SDCCAG8: variants seen among roughly 807,000 people sequenced by gnomAD.
SDCCAG8 encodes SHH signaling and ciliogenesis regulator SDCCAG8, also known as serologically defined colon cancer antigen 8.
In SDCCAG8, 74 loss-of-function variants were observed where a neutral mutation model predicts 101.8. The observed-to-expected ratio is 0.73, with a 90% CI of 0.60 to 0.88. The LOEUF (loss-of-function observed/expected upper bound fraction) is 0.88, where lower values mean the gene tolerates loss of function less well. Among genes scored for constraint, SDCCAG8 ranks in the 40% least tolerant of loss-of-function variants. The pLI is 0.00. For missense variants in SDCCAG8, 787 were observed against 822.6 expected (o/e 0.96, Z 0.53); for synonymous variants, 281 against 292.9 (o/e 0.96, Z 0.41).
intron 3 of SDCCAG8, among the ~76,000 whole-genome samples, chr1:243,273,589 T>C (rs1361296093): frequency 6.6e-6 from 1 of 152,166 alleles, no homozygotes; most frequent in African/African-American, 2.4e-5. Context: ...TTGCCTTCAA[T>C]ACTAGAGCCA....
At chr1:243,403,793 C>T (rs899035497) in intron 13 of SDCCAG8, among the ~76,000 whole-genome samples, 2 of 152,166 alleles carry the variant, frequency 1.3e-5, no homozygotes, top group Admixed American at 6.5e-5. Context: ...AAAGCAGGCT[C>T]AAGGCTCCCA....
At chr1:243,327,300 AT>A (rs1300832409) in intron 9 of SDCCAG8, among the ~76,000 whole-genome samples, 31 of 132,076 alleles carry the variant, frequency 2.3e-4, no homozygotes, top group South Asian at 7.4e-4. Context: ...TAAAATTATA[AT>A]TTATAATTTT....
intron 17 of SDCCAG8, 146 bp from the exon 18 acceptor site, chr1:243,499,610 T>C (rs1156394957): frequency 1.4e-6 from 1 of 718,070 alleles, no homozygotes; most frequent in African/African-American, 1.8e-5. Context: ...GCACAAACTT[T>C]TCATATAATT....
At chr1:243,309,137 G>A (rs2072461925) in intron 8 of SDCCAG8, among the ~76,000 whole-genome samples, 1 of 152,192 alleles carries the variant, frequency 6.6e-6, no homozygotes, top group African/African-American at 2.4e-5. Context: ...TGCTTCTTCA[G>A]ATTTAAGACC....
chr1:243,415,020 T>C (rs2080470753), intron 13 of SDCCAG8, among the ~76,000 whole-genome samples: 1 of 152,182 alleles, frequency 6.6e-6, no homozygotes, highest in Non-Finnish European at 1.5e-5. Flanking sequence ...GATAGGTCAG[T>C]GTCCTATCAC....
At chr1:243,354,812 G>A (rs1047889571) in intron 12 of SDCCAG8, among the ~76,000 whole-genome samples, 1 of 152,192 alleles carries the variant, frequency 6.6e-6, no homozygotes, top group Non-Finnish European at 1.5e-5. Context: ...TTAAGATTTT[G>A]CTCTGGGAGT....
chr1:243,266,943 C>CA (rs376247572), intron 1 of SDCCAG8, among the ~76,000 whole-genome samples: 44,752 of 100,528 alleles, frequency 0.45, 11,408 homozygotes, highest in East Asian at 0.72. Flanking sequence ...AACTTCGTCT[C>CA]AAAAAAAAAA....
intron 13 of SDCCAG8, among the ~76,000 whole-genome samples, chr1:243,413,912 C>G (rs927739495): frequency 6.6e-6 from 1 of 152,118 alleles, no homozygotes; most frequent in South Asian, 2.1e-4. Flanking sequence ...TGCCTCCTCT[C>G]GTAAGACTTA....
At chr1:243,387,287 T>G (rs2078366827) in intron 13 of SDCCAG8, among the ~76,000 whole-genome samples, 1 of 152,238 alleles carries the variant, frequency 6.6e-6, no homozygotes, top group South Asian at 2.1e-4. Flanking sequence ...ATTTTTTTTT[T>G]CTTGTATCTG....
chr1:243,450,094 C>T (rs528819061), intron 16 of SDCCAG8, among the ~76,000 whole-genome samples: 5 of 152,248 alleles, frequency 3.3e-5, no homozygotes, highest in African/African-American at 9.6e-5. Flanking sequence ...CTATGGTAGA[C>T]GTCTCTGTTT....
rs1363663426 is a variant in SDCCAG8, at chr1:243,415,800, A to G, written c.1715A>G (p.Gln572Arg). ...QREQELTQKI[Q>R]QMEAQHDKTE... ...GAGCAGGAGCTGACACAGAAGATAC[A>G]GCAAATGGAGGCCCAGCATGACAAA... Residue 572 changes from glutamine (Q) to arginine (R), a missense_variant, in exon 14 of 18, where the codon CAG (glutamine) becomes CGG (arginine). Physicochemically the swap from Gln to Arg is conservative, Grantham distance 43. Coordinates refer to ENST00000366541, the MANE Select transcript of SDCCAG8 (RefSeq NM_006642.5). 1.2e-6 allele frequency: 2 copies of G among 1,613,584 alleles called. No homozygotes were observed. The highest frequency in any genetic ancestry group is 1.3e-5 in the African/African-American group (1 of 74,904).
chr1:243,350,065 A>G (rs755415650), intron 12 of SDCCAG8, among the ~76,000 whole-genome samples: 5 of 152,222 alleles, frequency 3.3e-5, no homozygotes, highest in Non-Finnish European at 7.3e-5. Flanking sequence ...GGACACTGAC[A>G]TTAAGGATGG....
At chr1:243,350,523 C>CA (rs745736684) in intron 12 of SDCCAG8, among the ~76,000 whole-genome samples, 100 of 152,200 alleles carry the variant, frequency 6.6e-4, no homozygotes, top group Non-Finnish European at 1.6e-4. Flanking sequence ...CGGCCTATGT[C>CA]AGTCCTTTTT....
intron 16 of SDCCAG8, among the ~76,000 whole-genome samples, chr1:243,436,023 T>C (rs2082106725): frequency 6.6e-6 from 1 of 152,110 alleles, no homozygotes; most frequent in Non-Finnish European, 1.5e-5. Context: ...TTGATAAGCC[T>C]TCATTGGGAC....
intron 1 of SDCCAG8, among the ~76,000 whole-genome samples, chr1:243,259,755 G>T (rs934738974): frequency 6.6e-6 from 1 of 151,684 alleles, no homozygotes; most frequent in Non-Finnish European, 1.5e-5. Context: ...GGAGGCGCAG[G>T]TTGCGGTGGG....
At chr1:243,432,285 AACCAGAT>A (rs72045986) in intron 16 of SDCCAG8, among the ~76,000 whole-genome samples, 20,675 of 152,094 alleles carry the variant, frequency 0.14, 1,448 homozygotes, top group Non-Finnish European at 0.14. Context: ...AGGAACAAAA[AACCAGAT>A]ACCGTATGTT....
At chr1:243,411,021 G>A (rs1031370748) in intron 13 of SDCCAG8, among the ~76,000 whole-genome samples, 1 of 152,168 alleles carries the variant, frequency 6.6e-6, no homozygotes, top group African/African-American at 2.4e-5. Context: ...GCCTACATAC[G>A]CCTGGATTAC....
At chr1:243,400,440 C>T (rs955984297) in intron 13 of SDCCAG8, among the ~76,000 whole-genome samples, 3 of 152,154 alleles carry the variant, frequency 2.0e-5, no homozygotes, top group African/African-American at 7.2e-5. Context: ...CCACCCTGCC[C>T]CGCAACTTCA....
intron 13 of SDCCAG8, among the ~76,000 whole-genome samples, chr1:243,400,718 A>T (rs1430481764): frequency 1.3e-5 from 2 of 152,196 alleles, no homozygotes; most frequent in African/African-American, 4.8e-5. Flanking sequence ...ACATAACTAG[A>T]TTGCCAGTCA....
Sources: allele counts gnomAD v4.1 joint callset (sites outside exome capture counted in the v4.1 genomes callset), GRCh38; gene constraint gnomAD v4.1.1; transcripts MANE v1.5; gene names NCBI Gene and HGNC (gene_info 2026-07-23, HGNC 2026-07-21).